CSMD3: variants seen among roughly 807,000 people sequenced by gnomAD.
CSMD3 encodes the protein CUB and Sushi multiple domains 3.
In CSMD3, 177 loss-of-function variants were observed where a neutral mutation model predicts 435.2. The ratio of observed to expected loss-of-function variants is 0.41; its 90% confidence interval spans 0.36 to 0.46. The LOEUF is 0.46. Ranked by LOEUF, CSMD3 falls within the 20% of genes least tolerant of loss-of-function variation. CSMD3 has a pLI of 0.34. For missense variants in CSMD3, 4,265 were observed against 4,504.6 expected (o/e 0.95, Z 1.52); for synonymous variants, 1,656 against 1,520.5 (o/e 1.09, Z -2.07).
At chr8:112,441,473 A>G (rs1244543459) in intron 32 of CSMD3, among the ~76,000 whole-genome samples, 1 of 152,122 alleles carries the variant, frequency 6.6e-6, no homozygotes, top group Non-Finnish European at 1.5e-5. Flanking sequence ...TCTGCTTGTT[A>G]TCCAGTTCCA....
chr8:112,286,182 G>T (rs1819179934), intron 58 of CSMD3, among the ~76,000 whole-genome samples: 1 of 152,054 alleles, frequency 6.6e-6, no homozygotes, highest in African/African-American at 2.4e-5. Flanking sequence ...CTACAAACTA[G>T]AAGCTAAGAC....
chr8:113,325,939 A>G (rs2093980740), intron 1 of CSMD3, among the ~76,000 whole-genome samples: 1 of 152,212 alleles, frequency 6.6e-6, no homozygotes, highest in Admixed American at 6.5e-5. Flanking sequence ...CAGTGCCAAT[A>G]TTTCTTCCTA....
At chr8:112,852,639 T>C (rs781251180) in intron 11 of CSMD3, among the ~76,000 whole-genome samples, 63 of 151,356 alleles carry the variant, frequency 4.2e-4, no homozygotes, top group Non-Finnish European at 5.5e-4. Flanking sequence ...TAAGAAAAAA[T>C]AGGTCAGGCA....
At chr8:112,709,783 A>T (rs999619746) in intron 13 of CSMD3, among the ~76,000 whole-genome samples, 1 of 152,032 alleles carries the variant, frequency 6.6e-6, no homozygotes, top group African/African-American at 2.4e-5. Flanking sequence ...GGCAAGCACA[A>T]AACGAAAAGA....
chr8:113,429,172 A>AT (rs141846645), intron 1 of CSMD3, among the ~76,000 whole-genome samples: 2,766 of 151,860 alleles, frequency 0.018, 95 homozygotes, highest in African/African-American at 0.061. Context: ...TAACGTATGG[A>AT]TGTTCTTATA....
At chr8:113,321,730 T>A (rs114888030) in intron 1 of CSMD3, among the ~76,000 whole-genome samples, 3 of 152,156 alleles carry the variant, frequency 2.0e-5, no homozygotes, top group Admixed American at 1.3e-4. Flanking sequence ...AACTTCCACA[T>A]TGAGGAAACT....
chr8:113,190,641 A>G (rs1035706410), intron 3 of CSMD3, among the ~76,000 whole-genome samples: 2 of 151,168 alleles, frequency 1.3e-5, no homozygotes, highest in Non-Finnish European at 3.0e-5. Flanking sequence ...TGTTTTTAGC[A>G]TTATAAATTA....
chr8:112,808,850 C>T (rs1370058552), intron 12 of CSMD3, among the ~76,000 whole-genome samples: 1 of 151,980 alleles, frequency 6.6e-6, no homozygotes, highest in Non-Finnish European at 1.5e-5. Flanking sequence ...AATAAAAGGA[C>T]TCCTGAATTA....
intron 1 of CSMD3, among the ~76,000 whole-genome samples, chr8:113,327,933 T>G (rs191434916): frequency 6.6e-6 from 1 of 152,138 alleles, no homozygotes; most frequent in African/African-American, 2.4e-5. Context: ...GTTATGTGCA[T>G]GTACAGGCCT....
intron 9 of CSMD3, among the ~76,000 whole-genome samples, chr8:112,929,589 AT>A (rs1217288465): frequency 6.6e-6 from 1 of 152,158 alleles, no homozygotes; most frequent in African/African-American, 2.4e-5. Context: ...TAATTAAACA[AT>A]TTTTAATAGA....
intron 4 of CSMD3, among the ~76,000 whole-genome samples, chr8:113,100,549 C>G (rs965471932): frequency 6.6e-6 from 1 of 152,048 alleles, no homozygotes; most frequent in African/African-American, 2.4e-5. Flanking sequence ...ATTTTCCTTC[C>G]TCTGGATAAA....
chr8:112,847,579 C>A (rs1192823754), intron 11 of CSMD3, among the ~76,000 whole-genome samples: 1 of 152,078 alleles, frequency 6.6e-6, no homozygotes, highest in East Asian at 1.9e-4. Context: ...CATATAATTC[C>A]TTCTCTTGGG....
chr8:112,738,773 A>C (rs1244623430), intron 13 of CSMD3, among the ~76,000 whole-genome samples: 1 of 151,664 alleles, frequency 6.6e-6, no homozygotes, highest in African/African-American at 2.4e-5. Flanking sequence ...TTAAAACTTA[A>C]ATTCTGTCTA....
At chr8:112,902,916 A>C (rs1230092270) in intron 10 of CSMD3, among the ~76,000 whole-genome samples, 1 of 151,298 alleles carries the variant, frequency 6.6e-6, no homozygotes, top group Non-Finnish European at 1.5e-5. Flanking sequence ...TACTTCACCC[A>C]CTTCTTCTGA....
chr8:112,349,557 C>A lies in CSMD3; in HGVS notation c.6325+1618G>T, dbSNP rs1281936828. Reference sequence around the variant, plus strand: ...TCTTTGTGCTCTTTTATATTCTCAACTTTTATACTCAATTGGATATACACA... The same window carrying A: ...TCTTTGTGCTCTTTTATATTCTCAAATTTTATACTCAATTGGATATACACA... On this transcript the variant is annotated intron_variant, in intron 40 of 70. Coordinates refer to ENST00000297405, the MANE Select transcript of CSMD3 (RefSeq NM_198123.2). Among the ~76,000 whole-genome samples the A allele has an allele frequency of 4.6e-5, 7 of 152,064 alleles. No homozygotes were observed. The East Asian group carries it at 1.4e-3, about 29-fold the overall frequency.
chr8:113,069,624 A>G (rs973840786), intron 5 of CSMD3, among the ~76,000 whole-genome samples: 1 of 152,084 alleles, frequency 6.6e-6, no homozygotes, highest in Non-Finnish European at 1.5e-5. Context: ...GGATGGTATA[A>G]TTGCTCAAAG....
At chr8:112,920,987 A>ATG (rs1564105862) in intron 10 of CSMD3, among the ~76,000 whole-genome samples, 4 of 118,510 alleles carry the variant, frequency 3.4e-5, no homozygotes, top group Non-Finnish European at 5.0e-5. Flanking sequence ...GTACACACAT[A>ATG]CGCGCGCGCG....
rs772001449 is a variant in CSMD3 at position 112,336,765 on chromosome 8, T to C, written c.6906A>G (p.Glu2302=). Reference sequence around the variant, plus strand: ...AAAAACAATCTTGAAAGTTTGGATATTCATCAGGATACCCAGGAGAATAAA... The same window carrying C: ...AAAAACAATCTTGAAAGTTTGGATACTCATCAGGATACCCAGGAGAATAAA... ...GTIYSPGYPD[E]YPNFQDCFWL... The change falls in exon 44 of 71, where the codon GAA becomes GAG. Residue 2302 remains glutamate (E), a synonymous_variant. Coordinates refer to ENST00000297405, the MANE Select transcript of CSMD3 (RefSeq NM_198123.2). 3 of 1,613,328 alleles carry C rather than the reference T, an allele frequency of 1.9e-6. No homozygotes were observed. In the Admixed American group the frequency reaches 5.0e-5, roughly 27 times the overall value.
chr8:112,976,637 A>T (rs1654022383), intron 6 of CSMD3, among the ~76,000 whole-genome samples: 1 of 152,078 alleles, frequency 6.6e-6, no homozygotes, highest in Admixed American at 6.6e-5. Flanking sequence ...TTAAAATCAA[A>T]GCCAAAATGA....
Sources: gnomAD v4.1 joint callset for allele counts (sites outside exome capture counted in the v4.1 genomes callset) on GRCh38, gnomAD v4.1.1 for gene constraint, MANE v1.5 for transcripts, NCBI Gene and HGNC (gene_info 2026-07-23, HGNC 2026-07-21) for gene names.